The following C3orf85 variants were observed in gnomAD, a reference collection of about 807,000 sequenced individuals.
C3orf85 encodes uncharacterized protein C3orf85.
A neutral mutation model predicts 1.7 loss-of-function variants in C3orf85; 1 was observed. The ratio of observed to expected loss-of-function variants is 0.60; its 90% CI spans 0.21 to 2.86. The LOEUF (loss-of-function observed/expected upper bound fraction) is 2.86. C3orf85 is among the 30% of genes most tolerant of loss of function. C3orf85 has a pLI of 0.22. For synonymous variants in C3orf85, 17 were observed against 8.0 expected (o/e 2.13, Z -1.90); for missense variants, 29 against 21.3 (o/e 1.36, Z -0.72).
chr3:109,142,557 A>G (rs10049362), intron 2 of C3orf85, among the ~76,000 whole-genome samples: 103,873 of 152,104 alleles, frequency 0.68, 39,792 homozygotes, highest in East Asian at 0.93. Flanking sequence ...GGATCTGCCC[A>G]GATATTTTAT....
intron 2 of C3orf85, among the ~76,000 whole-genome samples, chr3:109,141,993 C>T (rs1185931352): frequency 6.6e-6 from 1 of 152,096 alleles, no homozygotes; most frequent in East Asian, 1.9e-4. Context: ...CGTGCCACTG[C>T]ACTCTAGTCT....
intron 2 of C3orf85, among the ~76,000 whole-genome samples, chr3:109,139,566 T>C (rs1008386153): frequency 1.3e-5 from 2 of 152,256 alleles, no homozygotes; most frequent in Admixed American, 6.5e-5. Flanking sequence ...TTAAGATTTA[T>C]ACTGGGTTTT....
intron 3 of C3orf85, 98 bp downstream of exon 3, chr3:109,148,484 G>A: frequency 2.9e-6 from 2 of 689,326 alleles, no homozygotes; most frequent in Non-Finnish European, 2.6e-6. Context: ...GCCTAGCCCT[G>A]ATTTTTCCTC....
In C3orf85 at chr3:109,150,004, C is replaced by T. The variant is rs1026264953; in HGVS notation, c.*110C>T. On this transcript the variant is annotated 3_prime_UTR_variant, in exon 4 of 4. Transcript: ENST00000622536. ...GAGGGTATATCCATGCTGTTTACTACATTATTTATTATGTCTGTCTCAAAG... is the reference window on the plus strand; with the variant it reads ...GAGGGTATATCCATGCTGTTTACTATATTATTTATTATGTCTGTCTCAAAG... 5.2e-6 allele frequency: 2 copies of T among 382,630 alleles called. No individual in the cohort carries two copies. Among genetic ancestry groups the T allele is most frequent in the Non-Finnish European group, 9.3e-6 (2 of 215,854 alleles). 23.7% of individuals were successfully genotyped at this position (382,630 alleles called of 1,614,324 possible).
chr3:109,139,815 C>G (rs1470800061), intron 2 of C3orf85, among the ~76,000 whole-genome samples: 1 of 152,156 alleles, frequency 6.6e-6, no homozygotes, highest in South Asian at 2.1e-4. Context: ...AATAAGCTGC[C>G]TTTGGTCTGT....
rs982961037 is a variant in C3orf85 at position 109,151,338 on chromosome 3, T to C, written c.*1444T>C. 1.3e-5 allele frequency among the ~76,000 whole-genome samples: 2 copies of C among 152,198 alleles called. No individual in the cohort carries two copies. The highest frequency in any genetic ancestry group is 4.8e-5 in the African/African-American group (2 of 41,466). On this transcript the variant is annotated 3_prime_UTR_variant, in exon 4 of 4. Coordinates refer to ENST00000622536, the MANE Select transcript of C3orf85 (RefSeq NM_001351622.2). Reference sequence around the variant, plus strand: ...CCAGAGAAACAGAACCAATAGGATATGTATATATAGAGATGCTCCTCAACA... The same window carrying C: ...CCAGAGAAACAGAACCAATAGGATACGTATATATAGAGATGCTCCTCAACA...
At position 109,150,077 on chromosome 3, in the gene C3orf85, G is replaced by T. The variant is rs1488832376; in HGVS notation, c.*183G>T. 1.2e-5 allele frequency: 4 copies of T among 345,122 alleles called. No homozygotes were observed. The highest frequency in any genetic ancestry group is 2.1e-5 in the Non-Finnish European group (4 of 194,976). The allele number at this position is 345,122 out of a possible 1,614,324, so 21.4% of individuals were successfully genotyped here. Reference sequence around the variant, plus strand: ...AAACCCATGTAGGAAACTGGAATAAGACATTCTCAATAAATGGTAGTTCTC... The same window carrying T: ...AAACCCATGTAGGAAACTGGAATAATACATTCTCAATAAATGGTAGTTCTC... On this transcript the variant is annotated 3_prime_UTR_variant, in exon 4 of 4. Transcript: ENST00000622536.
chr3:109,137,882 G>A (rs893065442), intron 2 of C3orf85, among the ~76,000 whole-genome samples: 103 of 152,054 alleles, frequency 6.8e-4, no homozygotes, highest in Admixed American at 1.2e-3. Context: ...CAGTTTAAGT[G>A]AGTGTCTCAG....
At chr3:109,144,873 A>G (rs937051640) in intron 2 of C3orf85, among the ~76,000 whole-genome samples, 7 of 152,088 alleles carry the variant, frequency 4.6e-5, no homozygotes, top group Non-Finnish European at 8.8e-5. Flanking sequence ...TTTTGTTTTG[A>G]AAAAAACACC....
chr3:109,143,430 A>G (rs564487139), intron 2 of C3orf85, among the ~76,000 whole-genome samples: 66 of 152,330 alleles, frequency 4.3e-4, no homozygotes, highest in Middle Eastern at 3.4e-3. Context: ...ACTGCTCATT[A>G]GCCTGCAATG....
chr3:109,144,949 A>G (rs1199163809), intron 2 of C3orf85, among the ~76,000 whole-genome samples: 1 of 152,238 alleles, frequency 6.6e-6, no homozygotes, highest in African/African-American at 2.4e-5. Flanking sequence ...TTCTTCAAAG[A>G]GAATAATCAG....
intron 2 of C3orf85, among the ~76,000 whole-genome samples, chr3:109,147,998 C>G (rs1214746065): frequency 6.6e-6 from 1 of 152,140 alleles, no homozygotes. Context: ...TGTATGGAAG[C>G]TCTGATATCC....
intron 2 of C3orf85, among the ~76,000 whole-genome samples, chr3:109,142,332 G>T (rs1706750497): frequency 6.6e-6 from 1 of 152,154 alleles, no homozygotes; most frequent in Non-Finnish European, 1.5e-5. Flanking sequence ...CTGAGACTCA[G>T]CAGTTCAATA....
At chr3:109,136,942 C>T (rs1706683902) in intron 2 of C3orf85, 46 bp downstream of exon 2, 2 of 403,614 alleles carry the variant, frequency 5.0e-6, no homozygotes, top group Non-Finnish European at 8.8e-6. Flanking sequence ...CTACAGCCAT[C>T]AGGTTGATAA....
At chr3:109,140,205 T>A (rs1706730228) in intron 2 of C3orf85, among the ~76,000 whole-genome samples, 1 of 152,126 alleles carries the variant, frequency 6.6e-6, no homozygotes, top group Non-Finnish European at 1.5e-5. Context: ...AAAAAAAATG[T>A]TGTTGTAGGA....
chr3:109,145,675 A>T (rs891549711), intron 2 of C3orf85, among the ~76,000 whole-genome samples: 1 of 152,242 alleles, frequency 6.6e-6, no homozygotes, highest in African/African-American at 2.4e-5. Flanking sequence ...TTAAAAAGTA[A>T]ATCTGGTCCT....
intron 2 of C3orf85, among the ~76,000 whole-genome samples, chr3:109,147,563 A>G (rs981012942): frequency 2.6e-5 from 4 of 152,204 alleles, no homozygotes; most frequent in African/African-American, 9.7e-5. Context: ...AAAATACAAC[A>G]CAGATTGTTA....
chr3:109,137,637 G>GTGTATATATATATATATATATGTATA, intron 2 of C3orf85, among the ~76,000 whole-genome samples: 1 of 79,896 alleles, frequency 1.3e-5, no homozygotes, highest in South Asian at 5.6e-4. Flanking sequence ...GTGTGTGTGT[G>GTGTATATATATATATATATATGTATA]TATATATATA....
chr3:109,141,374 C>T (rs1258438009), intron 2 of C3orf85, among the ~76,000 whole-genome samples: 1 of 152,168 alleles, frequency 6.6e-6, no homozygotes, highest in East Asian at 1.9e-4. Context: ...TTTCCTTTCA[C>T]CCTCTTTGCC....
Sources: allele counts gnomAD v4.1 joint callset (sites outside exome capture counted in the v4.1 genomes callset), GRCh38; gene constraint gnomAD v4.1.1; transcripts MANE v1.5; gene names NCBI Gene and HGNC (gene_info 2026-07-23, HGNC 2026-07-21).